RALGPS1: variants seen among roughly 807,000 people sequenced by gnomAD.
The protein encoded by RALGPS1 is ras-specific guanine nucleotide-releasing factor RalGPS1.
A neutral mutation model predicts 78.8 loss-of-function variants in RALGPS1; 19 were observed. The observed-to-expected ratio is 0.24, with a 90% confidence interval of 0.17 to 0.35. The LOEUF (loss-of-function observed/expected upper bound fraction) is 0.35. RALGPS1 is among the 10% of genes least tolerant of loss of function. The probability of loss-of-function intolerance (pLI) is 1.00; values close to 1 mark genes in which losing one functional copy is unlikely to be tolerated. For missense variants in RALGPS1, 454 were observed against 688.3 expected, an observed-to-expected ratio of 0.66 and a Z score of 3.81; for synonymous variants, 228 against 256.3, an observed-to-expected ratio of 0.89 and a Z score of 1.06.
At chr9:126,949,757 G>A (rs1452599407) in intron 1 of RALGPS1, among the ~76,000 whole-genome samples, 3 of 151,634 alleles carry the variant, frequency 2.0e-5, no homozygotes, top group Admixed American at 6.6e-5. Context: ...CTCCCATTTT[G>A]TAGGTTGCCT....
intron 8 of RALGPS1, among the ~76,000 whole-genome samples, chr9:127,110,000 A>T (rs2054634759): frequency 6.6e-6 from 1 of 152,120 alleles, no homozygotes; most frequent in African/African-American, 2.4e-5. Flanking sequence ...CAACATCAGG[A>T]TGGTTTTCCT....
At chr9:127,199,564 C>T (rs2061516321) in intron 14 of RALGPS1, among the ~76,000 whole-genome samples, 1 of 152,098 alleles carries the variant, frequency 6.6e-6, no homozygotes, top group Non-Finnish European at 1.5e-5. Flanking sequence ...TCGAGGATCC[C>T]TCTGCCTCCC....
intron 7 of RALGPS1, among the ~76,000 whole-genome samples, chr9:127,061,461 A>G (rs964845910): frequency 6.6e-6 from 1 of 152,248 alleles, no homozygotes; most frequent in East Asian, 1.9e-4. Flanking sequence ...TCACATGCCT[A>G]TGGCATCCAA....
At chr9:127,081,750 C>T (rs1219052527) in intron 8 of RALGPS1, among the ~76,000 whole-genome samples, 1 of 152,206 alleles carries the variant, frequency 6.6e-6, no homozygotes, top group Non-Finnish European at 1.5e-5. Flanking sequence ...GGATGTGCTG[C>T]AGCAGTGGGG....
At position 127,080,505 on chromosome 9, in the gene RALGPS1, A is replaced by G. The variant is rs764476636; in HGVS notation, c.610+11149A>G. 2.0e-5 allele frequency among the ~76,000 whole-genome samples: 3 copies of G among 152,330 alleles called. No homozygotes were observed. The East Asian group carries it at 5.8e-4, about 29-fold the overall frequency. ...AGGACATGCCTGTGGAGGGGCACAT[A>G]TGATATTGTGCTTTTTAACCAAAGT... is the stretch of plus-strand genomic sequence containing the variant. On this transcript the variant is annotated intron_variant, in intron 8 of 18. Transcript: ENST00000259351.
At chr9:127,071,229 T>C (rs2050174015) in intron 8 of RALGPS1, among the ~76,000 whole-genome samples, 1 of 152,030 alleles carries the variant, frequency 6.6e-6, no homozygotes, top group Non-Finnish European at 1.5e-5. Context: ...TTGCCAGAGG[T>C]TTGTCTATTG....
intron 1 of RALGPS1, among the ~76,000 whole-genome samples, chr9:126,931,858 A>G (rs1041207761): frequency 3.3e-5 from 5 of 152,252 alleles, no homozygotes; most frequent in Admixed American, 3.3e-4. Flanking sequence ...CAAAAAAGAA[A>G]GAACCAGCCA....
intron 8 of RALGPS1, among the ~76,000 whole-genome samples, chr9:127,078,269 G>A (rs1194159899): frequency 6.6e-6 from 1 of 152,266 alleles, no homozygotes; most frequent in South Asian, 2.1e-4. Context: ...GGAAGAGATT[G>A]CCTTTACTTT....
intron 8 of RALGPS1, among the ~76,000 whole-genome samples, chr9:127,137,407 G>C (rs1304896809): frequency 6.6e-6 from 1 of 152,232 alleles, no homozygotes; most frequent in African/African-American, 2.4e-5. Context: ...TAGCTGACCT[G>C]AGCCACATGG....
At position 127,133,186 on chromosome 9, in the gene RALGPS1, C is replaced by T. The variant is rs1356086911; in HGVS notation, c.611-32883C>T. 2.0e-5 allele frequency among the ~76,000 whole-genome samples: 3 copies of T among 152,326 alleles called. No homozygotes were observed. In the East Asian group the frequency reaches 5.8e-4, roughly 29 times the overall value. On this transcript the variant is annotated intron_variant, in intron 8 of 18. Transcript: ENST00000259351. ...AGCCTGTGGAGAGAGCGGCGTGGCC[C>T]CATGGGGAGGGAATGGGAGGAGGAG...
intron 4 of RALGPS1, among the ~76,000 whole-genome samples, chr9:127,014,163 G>T (rs1323078069): frequency 1.3e-5 from 2 of 152,210 alleles, no homozygotes; most frequent in Non-Finnish European, 2.9e-5. Flanking sequence ...TGGGAACACT[G>T]CCATGGTCTT....
At chr9:127,028,646 G>C (rs1025325870) in intron 4 of RALGPS1, among the ~76,000 whole-genome samples, 3 of 152,146 alleles carry the variant, frequency 2.0e-5, no homozygotes, top group African/African-American at 7.2e-5. Flanking sequence ...TGCACCCACT[G>C]CTCAGCGCTG....
At chr9:127,206,291 G>A (rs1291973620) in intron 14 of RALGPS1, among the ~76,000 whole-genome samples, 2 of 152,164 alleles carry the variant, frequency 1.3e-5, no homozygotes, top group Non-Finnish European at 2.9e-5. Context: ...CTGTTCTCAC[G>A]CTGCTAATGA....
At chr9:127,002,361 T>C (rs1283829799) in intron 4 of RALGPS1, among the ~76,000 whole-genome samples, 2 of 152,094 alleles carry the variant, frequency 1.3e-5, no homozygotes, top group African/African-American at 2.4e-5. Flanking sequence ...ATTTTATTTA[T>C]ATTTTTCAAT....
chr9:127,216,970 G>A, intron 18 of RALGPS1: 1 of 1,545,310 alleles, frequency 6.5e-7, no homozygotes, highest in Non-Finnish European at 8.7e-7. Flanking sequence ...CTGGAGGGCG[G>A]TGCGGGGAAG....
At chr9:126,981,044 C>G (rs1310723426) in intron 4 of RALGPS1, among the ~76,000 whole-genome samples, 1 of 152,194 alleles carries the variant, frequency 6.6e-6, no homozygotes, top group South Asian at 2.1e-4. Context: ...ATTTTTCCAC[C>G]CTGGCTCAGG....
At chr9:127,178,062 G>A in intron 11 of RALGPS1, 5 of 1,428,464 alleles carry the variant, frequency 3.5e-6, no homozygotes, top group Non-Finnish European at 3.8e-6. Flanking sequence ...GGAGGGTGGA[G>A]CCCTAGGCTA....
In RALGPS1 at chr9:126,958,746, G is replaced by A. The variant is rs368960230; in HGVS notation, c.-65-3479G>A. Among the ~76,000 whole-genome samples, 48 of 152,252 alleles carry A rather than the reference G, an allele frequency of 3.2e-4. 1 individual carries two copies. In the South Asian group the frequency reaches 1.0e-2, roughly 32 times the overall value. Reference sequence around the variant, plus strand: ...TAAGCATTCATGTTCATGTCTTTGTGTGGACATATGTTTTCTTTTTTTAGG... The same window carrying A: ...TAAGCATTCATGTTCATGTCTTTGTATGGACATATGTTTTCTTTTTTTAGG... On this transcript the variant is annotated intron_variant, in intron 1 of 18. Coordinates refer to ENST00000259351, the MANE Select transcript of RALGPS1 (RefSeq NM_014636.3).
intron 4 of RALGPS1, among the ~76,000 whole-genome samples, chr9:127,008,196 G>T (rs1343556396): frequency 6.6e-6 from 1 of 151,874 alleles, no homozygotes; most frequent in East Asian, 1.9e-4. Context: ...ATTTGGTTTT[G>T]CACATGTTGA....
Sources: gnomAD v4.1 joint callset for allele counts (sites outside exome capture counted in the v4.1 genomes callset) on GRCh38, gnomAD v4.1.1 for gene constraint, MANE v1.5 for transcripts, NCBI Gene and HGNC (gene_info 2026-07-23, HGNC 2026-07-21) for gene names.